FAM171A1: variants seen among roughly 807,000 people sequenced by gnomAD.
The protein encoded by FAM171A1 is protein FAM171A1.
FAM171A1 carries 23 observed loss-of-function variants against 74.9 expected under a neutral mutation model. The observed-to-expected ratio is 0.31, with a 90% CI of 0.22 to 0.44. The LOEUF (loss-of-function observed/expected upper bound fraction) is 0.44, where lower values mean the gene tolerates loss of function less well. Among genes scored for constraint, FAM171A1 ranks in the 20% least tolerant of loss-of-function variants. The pLI is 1.00. For missense variants in FAM171A1, 1,162 were observed against 1,159.2 expected, an observed-to-expected ratio of 1.00 and a Z score of -0.03; for synonymous variants, 527 against 505.7, an observed-to-expected ratio of 1.04 and a Z score of -0.57.
chr10:15,314,482 T>G (rs1174766283), intron 1 of FAM171A1, among the ~76,000 whole-genome samples: 1 of 152,168 alleles, frequency 6.6e-6, no homozygotes, highest in East Asian at 1.9e-4. Flanking sequence ...ATAAGGAACA[T>G]GGGTTACCGG....
At chr10:15,271,748 G>C (rs983388398) in intron 3 of FAM171A1, among the ~76,000 whole-genome samples, 2 of 152,194 alleles carry the variant, frequency 1.3e-5, no homozygotes, top group East Asian at 1.9e-4. Context: ...TTAAAGAAAA[G>C]AATTTTCAAC....
intron 4 of FAM171A1, among the ~76,000 whole-genome samples, chr10:15,251,282 G>A (rs564613828): frequency 6.6e-6 from 1 of 152,132 alleles, no homozygotes; most frequent in Non-Finnish European, 1.5e-5. Context: ...AGACATTGTG[G>A]GGAATTATAT....
intron 4 of FAM171A1, among the ~76,000 whole-genome samples, chr10:15,251,200 C>G (rs1440877968): frequency 2.0e-5 from 3 of 152,164 alleles, no homozygotes; most frequent in Non-Finnish European, 4.4e-5. Context: ...CAGAAACGAG[C>G]ATATTAATGG....
chr10:15,279,850 G>A (rs764603842), intron 2 of FAM171A1, among the ~76,000 whole-genome samples: 5 of 152,064 alleles, frequency 3.3e-5, no homozygotes, highest in Admixed American at 6.6e-5. Flanking sequence ...CCCAGGAGAC[G>A]GAGGTTGCAG....
At chr10:15,262,419 G>A (rs926268073) in intron 3 of FAM171A1, among the ~76,000 whole-genome samples, 11 of 152,214 alleles carry the variant, frequency 7.2e-5, no homozygotes, top group African/African-American at 2.7e-4. Flanking sequence ...AAGAACCCAT[G>A]AAGGAGATTG....
intron 5 of FAM171A1, among the ~76,000 whole-genome samples, chr10:15,242,248 T>C (rs1834372703): frequency 6.6e-6 from 1 of 152,330 alleles, no homozygotes; most frequent in South Asian, 2.1e-4. Flanking sequence ...TCTACTTAGA[T>C]AATATTACAA....
chr10:15,311,511 T>A (rs1291384889), intron 1 of FAM171A1, among the ~76,000 whole-genome samples: 5 of 152,218 alleles, frequency 3.3e-5, no homozygotes, highest in African/African-American at 4.8e-5. Flanking sequence ...CAGATTGCAT[T>A]GCTCTCCTGG....
At chr10:15,250,092 T>G (rs576083306) in intron 4 of FAM171A1, among the ~76,000 whole-genome samples, 25 of 152,226 alleles carry the variant, frequency 1.6e-4, no homozygotes, top group Non-Finnish European at 3.1e-4. Context: ...TAGTGAATTT[T>G]AGAGTCTCAA....
intron 1 of FAM171A1, among the ~76,000 whole-genome samples, chr10:15,343,403 G>A (rs1002908222): frequency 1.3e-5 from 2 of 152,132 alleles, no homozygotes; most frequent in Admixed American, 6.5e-5. Flanking sequence ...ACCAGCTATT[G>A]CAATCCAGGG....
At chr10:15,341,325 T>C (rs1263168735) in intron 1 of FAM171A1, among the ~76,000 whole-genome samples, 3 of 152,228 alleles carry the variant, frequency 2.0e-5, no homozygotes, top group South Asian at 4.1e-4. Flanking sequence ...GTACAACAAA[T>C]CTTATTTTCA....
intron 5 of FAM171A1, among the ~76,000 whole-genome samples, chr10:15,240,394 G>A (rs1834348703): frequency 6.6e-6 from 1 of 152,060 alleles, no homozygotes; most frequent in African/African-American, 2.4e-5. Context: ...TTTATTGAGG[G>A]TCCATATAGC....
At chr10:15,250,203 G>C (rs779086305) in intron 4 of FAM171A1, among the ~76,000 whole-genome samples, 4 of 152,142 alleles carry the variant, frequency 2.6e-5, no homozygotes, top group Non-Finnish European at 4.4e-5. Flanking sequence ...TGAAGGCAAA[G>C]GTGTGGGAAT....
At chr10:15,303,143 C>T (rs1335954824) in intron 1 of FAM171A1, among the ~76,000 whole-genome samples, 3 of 151,892 alleles carry the variant, frequency 2.0e-5, no homozygotes, top group East Asian at 1.9e-4. Flanking sequence ...GAGCCAAGAT[C>T]GTGCCACTGC....
At chr10:15,223,630 G>A (rs1273056998) in intron 5 of FAM171A1, among the ~76,000 whole-genome samples, 1 of 152,170 alleles carries the variant, frequency 6.6e-6, no homozygotes. Flanking sequence ...TGGGGGTGGT[G>A]GCTCATGCCT....
chr10:15,264,133 C>T (rs1424081016), intron 3 of FAM171A1, among the ~76,000 whole-genome samples: 1 of 151,864 alleles, frequency 6.6e-6, no homozygotes, highest in Non-Finnish European at 1.5e-5. Context: ...CACACAACAC[C>T]ACACCTGGCT....
Position 15,248,691 on chromosome 10 carries a change from G to T in FAM171A1, c.702C>A (p.Ser234Arg). The T allele has an allele frequency of 6.2e-7, 1 of 1,613,070 alleles. No homozygotes were observed. The highest frequency in any genetic ancestry group is 8.5e-7 in the Non-Finnish European group (1 of 1,179,492). ...IYVTVPLATQ[S>R]SLRHNAYVAA... ...CGACATAGGCATTGTGCCTCAGGCT[G>T]CTCTGCGTGGCCAGGGGCACAGTGA... Residue 234 changes from serine (S) to arginine (R), a missense_variant, in exon 5 of 8, where the codon AGC becomes AGA. Physicochemically the swap from Ser to Arg is moderately radical, Grantham distance 110. Transcript: ENST00000378116.
chr10:15,343,263 G>A (rs536957383), intron 1 of FAM171A1, among the ~76,000 whole-genome samples: 1 of 152,340 alleles, frequency 6.6e-6, no homozygotes, highest in East Asian at 1.9e-4. Flanking sequence ...CAGTTACACA[G>A]GGGGCTGAGG....
At chr10:15,226,027 G>A (rs1027804809) in intron 5 of FAM171A1, among the ~76,000 whole-genome samples, 4 of 152,142 alleles carry the variant, frequency 2.6e-5, no homozygotes, top group African/African-American at 9.7e-5. Flanking sequence ...GCCTCTTCCA[G>A]GGGCTTACCA....
At chr10:15,371,637 T>G (rs2131900141), upstream of FAM171A1, among the ~76,000 whole-genome samples, 1 of 152,046 alleles carries the variant, frequency 6.6e-6, no homozygotes, top group African/African-American at 2.4e-5. Context: ...GCAAAAACAC[T>G]CCCCAAGCCA....
Sources: allele counts gnomAD v4.1 joint callset (sites outside exome capture counted in the v4.1 genomes callset), GRCh38; gene constraint gnomAD v4.1.1; transcripts MANE v1.5; gene names NCBI Gene and HGNC (gene_info 2026-07-23, HGNC 2026-07-21).